Variants in TMEM132D observed in about 807,000 individuals in gnomAD.
TMEM132D encodes mature OL transmembrane protein.
In TMEM132D, 21 loss-of-function variants were observed where a neutral mutation model predicts 62.3. The ratio of observed to expected loss-of-function variants is 0.34; its 90% confidence interval spans 0.24 to 0.49. The LOEUF is 0.49. TMEM132D is among the 20% of genes least tolerant of loss of function. The pLI, the probability that TMEM132D is intolerant of heterozygous loss-of-function variation, is 0.99. For synonymous variants in TMEM132D, 621 were observed against 575.6 expected, an observed-to-expected ratio of 1.08 and a Z score of -1.13; for missense variants, 1,346 against 1,402.8, an observed-to-expected ratio of 0.96 and a Z score of 0.65.
chr12:129,370,587 T>C (rs1484032283), intron 3 of TMEM132D, among the ~76,000 whole-genome samples: 2 of 152,226 alleles, frequency 1.3e-5, no homozygotes, highest in African/African-American at 4.8e-5. Flanking sequence ...TCACTCTTCT[T>C]CATAAAGACT....
chr12:129,468,341 C>T (rs1416952852), intron 3 of TMEM132D, among the ~76,000 whole-genome samples: 1 of 152,102 alleles, frequency 6.6e-6, no homozygotes, highest in Non-Finnish European at 1.5e-5. Context: ...TGCACTGTGA[C>T]AAATGGAGAC....
chr12:129,329,039 T>C (rs181665088), intron 4 of TMEM132D, among the ~76,000 whole-genome samples: 6 of 149,034 alleles, frequency 4.0e-5, no homozygotes, highest in African/African-American at 9.8e-5. Flanking sequence ...AAAGAATATA[T>C]ATATATATAA....
intron 4 of TMEM132D, among the ~76,000 whole-genome samples, chr12:129,267,797 C>T (rs144370632): frequency 0.07 from 10,681 of 152,170 alleles, 557 homozygotes; most frequent in Admixed American, 0.17. Flanking sequence ...TACAAGGCTA[C>T]AGTAATCAAA....
chr12:129,436,495 T>C (rs1416958529), intron 3 of TMEM132D, among the ~76,000 whole-genome samples: 1 of 152,190 alleles, frequency 6.6e-6, no homozygotes, highest in Admixed American at 6.5e-5. Context: ...TGGGTGAGGA[T>C]GAGCACTGAT....
intron 3 of TMEM132D, among the ~76,000 whole-genome samples, chr12:129,451,090 T>C (rs999559730): frequency 2.0e-5 from 3 of 152,146 alleles, no homozygotes; most frequent in African/African-American, 4.8e-5. Flanking sequence ...TGAGGCCTCC[T>C]TGGGCTCTGG....
intron 4 of TMEM132D, among the ~76,000 whole-genome samples, chr12:129,237,675 T>C (rs1330908185): frequency 6.6e-6 from 1 of 152,292 alleles, no homozygotes; most frequent in African/African-American, 2.4e-5. Context: ...ATGTTTTATG[T>C]GCACTTAAAA....
chr12:129,457,697 A>G (rs953754272), intron 3 of TMEM132D, among the ~76,000 whole-genome samples: 10 of 152,166 alleles, frequency 6.6e-5, no homozygotes, highest in African/African-American at 2.4e-4. Flanking sequence ...GGAAGGGCAA[A>G]GAAAAAGGAA....
chr12:129,243,287 G>C (rs1333171747), intron 4 of TMEM132D, among the ~76,000 whole-genome samples: 1 of 152,058 alleles, frequency 6.6e-6, no homozygotes, highest in Non-Finnish European at 1.5e-5. Context: ...TAGTATTTCT[G>C]ATTCTATTTT....
intron 2 of TMEM132D, among the ~76,000 whole-genome samples, chr12:129,619,060 C>T (rs955473976): frequency 3.9e-5 from 6 of 152,110 alleles, no homozygotes; most frequent in African/African-American, 1.4e-4. Flanking sequence ...GCAGGTGAAG[C>T]CTCCAAATAG....
intron 1 of TMEM132D, among the ~76,000 whole-genome samples, chr12:129,723,319 G>C (rs923543366): frequency 2.6e-5 from 4 of 152,098 alleles, no homozygotes; most frequent in African/African-American, 9.7e-5. Context: ...TGCGTTCTGG[G>C]ACTGGTTTTC....
intron 2 of TMEM132D, among the ~76,000 whole-genome samples, chr12:129,537,348 T>A (rs1476031840): frequency 1.3e-5 from 2 of 152,070 alleles, no homozygotes; most frequent in African/African-American, 4.8e-5. Context: ...CTCCAATGAA[T>A]CATTTTACAT....
intron 1 of TMEM132D, among the ~76,000 whole-genome samples, chr12:129,864,137 A>G (rs922600620): frequency 3.2e-4 from 49 of 152,182 alleles, no homozygotes; most frequent in African/African-American, 1.2e-3. Flanking sequence ...AGCCAGCGCC[A>G]TCTTGTGAGG....
intron 3 of TMEM132D, among the ~76,000 whole-genome samples, chr12:129,384,624 C>A (rs890156156): frequency 1.3e-5 from 2 of 152,078 alleles, no homozygotes; most frequent in Non-Finnish European, 2.9e-5. Flanking sequence ...TCTTCCCAAG[C>A]TAAGCCCCTG....
intron 2 of TMEM132D, among the ~76,000 whole-genome samples, chr12:129,660,965 T>C (rs932005517): frequency 1.3e-5 from 2 of 152,174 alleles, no homozygotes; most frequent in Non-Finnish European, 2.9e-5. Context: ...CCATCCTACA[T>C]AATTTATTTT....
Position 129,700,187 on chromosome 12 carries a change from C to T in TMEM132D, c.591G>A (p.Glu197=), listed in dbSNP as rs1019420540. ...GDLGLCVAEL[E]LLSSWFSPPT... ...GGGGGCTGAACCAGCTGGACAGGAGCTCCAGCTCGGCCACGCACAGCCCCA... is the reference window on the plus strand; with the variant it reads ...GGGGGCTGAACCAGCTGGACAGGAGTTCCAGCTCGGCCACGCACAGCCCCA... Residue 197 remains glutamate, a synonymous_variant, in exon 2 of 9, where the codon GAG becomes GAA. Coordinates refer to ENST00000422113, the MANE Select transcript of TMEM132D (RefSeq NM_133448.3). The T allele has an allele frequency of 1.9e-6, 3 of 1,612,810 alleles. No individual in the cohort carries two copies. In the African/African-American group the frequency reaches 4.0e-5, roughly 22 times the overall value.
chr12:129,568,851 C>G (rs1877436993), intron 2 of TMEM132D, among the ~76,000 whole-genome samples: 1 of 152,148 alleles, frequency 6.6e-6, no homozygotes, highest in African/African-American at 2.4e-5. Flanking sequence ...AATCACAGGT[C>G]AGGAAGCTAA....
intron 3 of TMEM132D, among the ~76,000 whole-genome samples, chr12:129,351,493 A>T (rs541747671): frequency 5.3e-5 from 8 of 152,202 alleles, no homozygotes; most frequent in African/African-American, 1.9e-4. Flanking sequence ...GGCTTTGGAC[A>T]TTTTAACAGC....
chr12:129,475,593 CCTT>C (rs1322596692), intron 3 of TMEM132D, among the ~76,000 whole-genome samples: 2 of 152,292 alleles, frequency 1.3e-5, no homozygotes, highest in Non-Finnish European at 2.9e-5. Context: ...TTTTGTTTTG[CCTT>C]CTTTTGTCTC....
At chr12:129,538,491 T>C (rs183478546) in intron 2 of TMEM132D, among the ~76,000 whole-genome samples, 67 of 152,302 alleles carry the variant, frequency 4.4e-4, no homozygotes, top group Non-Finnish European at 7.3e-4. Flanking sequence ...CCTTGGAGGA[T>C]ACAGTCCAAG....
Sources: allele counts gnomAD v4.1 joint callset (sites outside exome capture counted in the v4.1 genomes callset), GRCh38; gene constraint gnomAD v4.1.1; transcripts MANE v1.5; gene names NCBI Gene and HGNC (gene_info 2026-07-23, HGNC 2026-07-21).